The following HDLBP variants were observed in gnomAD, a reference collection of about 807,000 sequenced individuals.
The protein encoded by HDLBP is high density lipoprotein binding protein.
HDLBP carries 30 observed loss-of-function variants against 137.3 expected under a neutral mutation model. That is an observed-to-expected ratio of 0.22 (90% CI 0.16 to 0.30). HDLBP has a LOEUF of 0.30. Among genes scored for constraint, HDLBP ranks in the 10% least tolerant of loss-of-function variants. The pLI is 1.00. For synonymous variants in HDLBP, 606 were observed against 596.0 expected (o/e 1.02, Z -0.24); for missense variants, 1,119 against 1,667.3 (o/e 0.67, Z 5.73).
intron 1 of HDLBP, chr2:241,269,698 G>C (rs917479350): frequency 7.2e-5 from 11 of 152,198 alleles, no homozygotes; most frequent in Non-Finnish European, 1.6e-4. Context: ...TAGTTTGCAA[G>C]TTTTAAAGAT....
At chr2:241,283,790 C>T (rs2074704110) in intron 1 of HDLBP, among the ~76,000 whole-genome samples, 2 of 152,114 alleles carry the variant, frequency 1.3e-5, no homozygotes, top group South Asian at 4.1e-4. Flanking sequence ...TAGATCGCTT[C>T]TAAGAGAAGC....
chr2:241,258,350 A>T (rs1337331815), intron 5 of HDLBP, among the ~76,000 whole-genome samples: 1 of 144,208 alleles, frequency 6.9e-6, no homozygotes, highest in East Asian at 2.1e-4. Flanking sequence ...CCGTCTCAAA[A>T]AAAAAAAAAA....
rs768460666 is a variant in HDLBP at position 241,233,847 on chromosome 2, C to T, written c.3261G>A (p.Gln1087=). The change falls in exon 24 of 28, where the codon CAG becomes CAA. Residue 1087 remains glutamine (Q), a synonymous_variant. Coordinates refer to ENST00000310931, the MANE Select transcript of HDLBP (RefSeq NM_005336.6). This position sits in a 1 kb window ranked among gnomAD's most constrained non-coding sequence, Gnocchi z 4.3. ...GGTTCCCATCGTCCTTATCAGGAAA[C>T]TGGATGTTCACGTCATGCTCCAACC... ...QIRLEHDVNI[Q]FPDKDDGNQP... is the part of the protein sequence containing the mutation. 2.5e-6 allele frequency: 4 copies of T among 1,614,208 alleles called. No individual in the cohort carries two copies. Among genetic ancestry groups the T allele is most frequent in the South Asian group, 1.1e-5 (1 of 91,082 alleles).
intron 14 of HDLBP, 56 bp downstream of exon 14, chr2:241,247,947 C>T: frequency 8.1e-7 from 1 of 1,240,210 alleles, no homozygotes; most frequent in South Asian, 1.2e-5. Context: ...TGACAGGACG[C>T]ATGCCCCACC....
At chr2:241,263,455 T>C (rs543694060) in intron 4 of HDLBP, among the ~76,000 whole-genome samples, 2 of 152,192 alleles carry the variant, frequency 1.3e-5, no homozygotes, top group East Asian at 3.9e-4. Flanking sequence ...GTCCCTCCCG[T>C]TGCTTTATGG....
Position 241,227,641 on chromosome 2 carries a change from T to C in HDLBP, c.*1960A>G, listed in dbSNP as rs572358586. The C allele has an allele frequency of 2.6e-5, 4 of 152,734 alleles. No individual in the cohort carries two copies. Among genetic ancestry groups the C allele is most frequent in the South Asian group, 2.1e-4 (1 of 4,828 alleles). 9.5% of individuals were successfully genotyped at this position (152,734 alleles called of 1,614,324 possible). A position where few individuals can be genotyped will look rare whatever the true frequency, so the allele number is the denominator to read the frequency against. ...TAAGACATCAAGCGACATACAGAGA[T>C]GTGCAAAACTTGGTGAGAATTAAAA... On this transcript the variant is annotated 3_prime_UTR_variant, in exon 28 of 28. Coordinates refer to ENST00000310931, the MANE Select transcript of HDLBP (RefSeq NM_005336.6).
At chr2:241,234,982 G>A (rs897785600) in intron 23 of HDLBP, 139 bp downstream of exon 23, 27 of 981,084 alleles carry the variant, frequency 2.8e-5, no homozygotes, top group Middle Eastern at 3.2e-4. Flanking sequence ...TGCTGACTGC[G>A]TCCTGGCACT....
intron 11 of HDLBP, 31 bp from the exon 12 acceptor site, chr2:241,250,011 A>G (rs2072000287): frequency 6.4e-7 from 1 of 1,574,250 alleles, no homozygotes; most frequent in Non-Finnish European, 8.6e-7. Flanking sequence ...CACATTTAGG[A>G]CACAGACCAA....
intron 1 of HDLBP, among the ~76,000 whole-genome samples, chr2:241,308,097 G>A (rs766866030): frequency 3.9e-5 from 6 of 152,150 alleles, no homozygotes; most frequent in Non-Finnish European, 7.3e-5. Context: ...CTCCTTTGAG[G>A]ACAACTAAAA....
At chr2:241,280,032 A>T in intron 1 of HDLBP, 2 of 985,308 alleles carry the variant, frequency 2.0e-6, no homozygotes, top group Non-Finnish European at 2.4e-6. Context: ...GGGAGCAGAG[A>T]TGTGGAGGAC....
At chr2:241,243,150 C>G (rs539478584) in intron 16 of HDLBP, among the ~76,000 whole-genome samples, 28 of 152,194 alleles carry the variant, frequency 1.8e-4, no homozygotes, top group Non-Finnish European at 3.5e-4. Flanking sequence ...TGGTGACTTT[C>G]AAGACCCTGG....
In HDLBP at chr2:241,272,691, C is replaced by G. The variant is rs1437880806; in HGVS notation, c.-102-4150G>C. On this transcript the variant is annotated intron_variant, in intron 1 of 27. Coordinates refer to ENST00000310931, the MANE Select transcript of HDLBP (RefSeq NM_005336.6). The surrounding 1 kb of genome is among the most constrained non-coding windows in gnomAD (Gnocchi z 5.6). ...CACGTCAGCAGCCACCCCCCACCCCCCCGCCCGGCAGCCCGCCCGCCCCGT... is the reference window on the plus strand; with the variant it reads ...CACGTCAGCAGCCACCCCCCACCCCGCCGCCCGGCAGCCCGCCCGCCCCGT... 2.1e-4 allele frequency: 160 copies of G among 755,978 alleles called. No individual in the cohort carries two copies. Among genetic ancestry groups the G allele is most frequent in the Non-Finnish European group, 2.5e-4 (154 of 625,360 alleles). The allele number at this position is 755,978 out of a possible 1,614,324, so 46.8% of individuals were successfully genotyped here. A position where few individuals can be genotyped will look rare whatever the true frequency, so the allele number is the denominator to read the frequency against.
intron 14 of HDLBP, 68 bp from the exon 15 acceptor site, chr2:241,247,210 C>T (rs2071749991): frequency 3.0e-6 from 3 of 994,042 alleles, no homozygotes; most frequent in Non-Finnish European, 4.8e-6. Context: ...ATCCCTTCTA[C>T]CCCTAAGGGT....
intron 1 of HDLBP, among the ~76,000 whole-genome samples, chr2:241,283,523 G>A (rs1360067434): frequency 6.6e-6 from 1 of 150,984 alleles, no homozygotes; most frequent in Non-Finnish European, 1.5e-5. Flanking sequence ...GGCCCAGGCT[G>A]GAGTGCAGTG....
At chr2:241,306,145 C>G (rs1322096536) in intron 1 of HDLBP, among the ~76,000 whole-genome samples, 3 of 151,928 alleles carry the variant, frequency 2.0e-5, no homozygotes, top group East Asian at 3.9e-4. Context: ...GAGTGACTAC[C>G]AGCTCCAAGT....
Position 241,255,434 on chromosome 2 carries a change from A to G in HDLBP, c.1020T>C (p.Thr340=). 6.2e-7 allele frequency: 1 copy of G among 1,614,236 alleles called. No homozygotes were observed. Among genetic ancestry groups the G allele is most frequent in the Non-Finnish European group, 8.5e-7 (1 of 1,180,038 alleles). The stretch of plus-strand genomic sequence containing the variant: ...TTTCAGGTTCGCCTCGAAGTATTAC[A>G]GTCTCAGAGATGCTGTCTGAGGGTG... ...EIPPSDSISE[T]VILRGEPEKL... The change falls in exon 8 of 28, where the codon ACT becomes ACC. Residue 340 remains threonine (T), a synonymous_variant. Transcript: ENST00000310931.
intron 1 of HDLBP, among the ~76,000 whole-genome samples, chr2:241,292,730 T>G (rs2075048331): frequency 6.6e-6 from 1 of 152,256 alleles, no homozygotes; most frequent in East Asian, 1.9e-4. Context: ...TGCTGACAAC[T>G]GTGAAAGCTG....
intron 1 of HDLBP, chr2:241,315,061 G>T (rs1052949787): frequency 1.3e-5 from 2 of 152,034 alleles, no homozygotes; most frequent in African/African-American, 4.8e-5. Context: ...CCCGAGCCAC[G>T]TCGCTGCTCG....
intron 24 of HDLBP, among the ~76,000 whole-genome samples, chr2:241,232,100 C>T (rs1404394728): frequency 6.6e-6 from 1 of 152,152 alleles, no homozygotes; most frequent in Admixed American, 6.5e-5. Context: ...AGCAGCCCCA[C>T]CCACCGTGGC....
Sources: gnomAD v4.1 joint callset for allele counts (sites outside exome capture counted in the v4.1 genomes callset) on GRCh38, gnomAD v4.1.1 for gene constraint, Gnocchi (gnomAD v3.1) non-coding constraint, MANE v1.5 for transcripts, NCBI Gene and HGNC (gene_info 2026-07-23, HGNC 2026-07-21) for gene names.